The following MAP3K20 variants were observed in gnomAD, a reference collection of about 807,000 sequenced individuals.
MAP3K20 encodes the protein HCCS-4.
Under a neutral mutation model 85.7 loss-of-function variants are expected in MAP3K20, and 40 were observed. The ratio of observed to expected loss-of-function variants is 0.47; its 90% confidence interval spans 0.36 to 0.61. The LOEUF is 0.61. Ranked by LOEUF, MAP3K20 falls within the 20% of genes least tolerant of loss-of-function variation. MAP3K20 has a pLI of 0.00. For synonymous variants in MAP3K20, 325 were observed against 327.7 expected (o/e 0.99, Z 0.09); for missense variants, 817 against 961.7 (o/e 0.85, Z 1.99).
intron 11 of MAP3K20, among the ~76,000 whole-genome samples, chr2:173,218,998 CTTT>C (rs951466685): frequency 2.6e-5 from 4 of 152,114 alleles, no homozygotes; most frequent in Non-Finnish European, 5.9e-5. Context: ...AGATTTTCTT[CTTT>C]TTTCCTTATG....
chr2:173,092,232 G>T (rs2106149246), intron 2 of MAP3K20, among the ~76,000 whole-genome samples: 1 of 152,258 alleles, frequency 6.6e-6, no homozygotes. Flanking sequence ...CTCTGCCTTG[G>T]GGAATCTATA....
intron 16 of MAP3K20, among the ~76,000 whole-genome samples, chr2:173,246,974 A>G (rs548830190): frequency 1.3e-5 from 2 of 152,318 alleles, no homozygotes; most frequent in African/African-American, 4.8e-5. Context: ...AAAAGTAGGA[A>G]GAGTAAATGA....
chr2:173,235,002 T>C (rs965155279), intron 14 of MAP3K20, among the ~76,000 whole-genome samples: 1 of 152,180 alleles, frequency 6.6e-6, no homozygotes, highest in African/African-American at 2.4e-5. Flanking sequence ...GGGGAAGATG[T>C]CACAGGTAAG....
chr2:173,155,054 G>A (rs1689424450), intron 2 of MAP3K20, among the ~76,000 whole-genome samples: 1 of 152,054 alleles, frequency 6.6e-6, no homozygotes, highest in African/African-American at 2.4e-5. Context: ...CTAGAGGATG[G>A]AACTAGAAAG....
chr2:173,098,196 T>C (rs1021928673), intron 2 of MAP3K20, among the ~76,000 whole-genome samples: 3 of 152,220 alleles, frequency 2.0e-5, no homozygotes, highest in African/African-American at 7.2e-5. Flanking sequence ...AGTTCTGGCA[T>C]AGTTTCTATA....
Position 173,112,647 on chromosome 2 carries a change from G to A in MAP3K20, c.159+21457G>A, listed in dbSNP as rs1409081254. Among the ~76,000 whole-genome samples, 10 of 152,232 alleles carry A rather than the reference G, an allele frequency of 6.6e-5. No homozygotes were observed. In the East Asian group the frequency reaches 1.7e-3, roughly 26 times the overall value. On this transcript the variant is annotated intron_variant, in intron 2 of 19. Transcript: ENST00000375213. ...AAAGCGATGCTGGATTTTGTTGAAT[G>A]CTTTTTCTGCATCTATTGAAACGAC...
At chr2:173,162,828 G>T (rs1039766109) in intron 2 of MAP3K20, among the ~76,000 whole-genome samples, 2 of 152,170 alleles carry the variant, frequency 1.3e-5, no homozygotes, top group Non-Finnish European at 2.9e-5. Context: ...TTGTGTCAGT[G>T]CCACATCACA....
chr2:173,103,150 C>T (rs1687682951), intron 2 of MAP3K20, among the ~76,000 whole-genome samples: 1 of 152,190 alleles, frequency 6.6e-6, no homozygotes, highest in Admixed American at 6.5e-5. Context: ...GTTTAGTGAG[C>T]ATCCGCTGCT....
At chr2:173,094,035 T>G (rs1199349475) in intron 2 of MAP3K20, among the ~76,000 whole-genome samples, 2 of 151,108 alleles carry the variant, frequency 1.3e-5, no homozygotes, top group Non-Finnish European at 3.0e-5. Context: ...ATATACCTAA[T>G]GCTAGATGAC....
intron 2 of MAP3K20, among the ~76,000 whole-genome samples, chr2:173,108,050 A>C (rs1244576704): frequency 6.6e-6 from 1 of 152,026 alleles, no homozygotes; most frequent in African/African-American, 2.4e-5. Flanking sequence ...GTGGTTTCTC[A>C]TCCTTTTTAA....
At chr2:173,166,187 T>G (rs1689817226) in intron 2 of MAP3K20, among the ~76,000 whole-genome samples, 1 of 152,244 alleles carries the variant, frequency 6.6e-6, no homozygotes, top group Non-Finnish European at 1.5e-5. Context: ...TCATACAGTA[T>G]CTGCCCTTTT....
At chr2:173,156,601 C>T (rs766789075) in intron 2 of MAP3K20, among the ~76,000 whole-genome samples, 18 of 152,158 alleles carry the variant, frequency 1.2e-4, no homozygotes, top group Non-Finnish European at 2.4e-4. Context: ...AACCTAGATC[C>T]CTTGAATGTG....
At position 173,173,176 on chromosome 2, in the gene MAP3K20, GTGTGTGTGTGTGTGTGTGTGTC is replaced by G. The variant is rs1220645901; in HGVS notation, c.247+3290_247+3311del. Among the ~76,000 whole-genome samples, 77 of 131,916 alleles carry G rather than the reference GTGTGTGTGTGTGTGTGTGTGTC, an allele frequency of 5.8e-4. 1 individual carries two copies. The South Asian group carries it at 0.02, about 35-fold the overall frequency. The allele number at this position is 131,916 out of a possible 152,430, so 86.5% of individuals were successfully genotyped here. A position where few individuals can be genotyped will look rare whatever the true frequency, so the allele number is the denominator to read the frequency against. ...TTTCTGTGTGTGTGTGTGTGTGTGT[GTGTGTGTGTGTGTGTGTGTGTC>G]TGTGTAAAACATAAATATGTGAGGG... On this transcript the variant is annotated intron_variant, in intron 3 of 19. Transcript: ENST00000375213.
intron 1 of MAP3K20, among the ~76,000 whole-genome samples, chr2:173,082,713 C>T (rs190632856): frequency 6.6e-6 from 1 of 152,350 alleles, no homozygotes; most frequent in Non-Finnish European, 1.5e-5. Context: ...CGTGCACCCT[C>T]ACTTTATTCA....
At chr2:173,252,584 T>A (rs1685063489) in intron 16 of MAP3K20, among the ~76,000 whole-genome samples, 1 of 152,220 alleles carries the variant, frequency 6.6e-6, no homozygotes, top group Non-Finnish European at 1.5e-5. Flanking sequence ...GAGAGGCAGA[T>A]TTTCTAGCTA....
Position 173,247,645 on chromosome 2 carries a change from A to C in MAP3K20, c.1359+8149A>C, listed in dbSNP as rs192275600. Among the ~76,000 whole-genome samples, 376 of 152,342 alleles carry C rather than the reference A, an allele frequency of 2.5e-3. 1 individual carries two copies. The highest frequency in any genetic ancestry group is 8.5e-3 in the African/African-American group (353 of 41,572). On this transcript the variant is annotated intron_variant, in intron 16 of 19. Transcript: ENST00000375213. ...ACTGTACAGCATAGTATCTACAATT[A>C]ACAGCAGGTTGTTATATACTTAAAA...
intron 9 of MAP3K20, among the ~76,000 whole-genome samples, chr2:173,206,524 T>A (rs1056052563): frequency 2.0e-5 from 3 of 152,220 alleles, no homozygotes; most frequent in Admixed American, 2.0e-4. Context: ...TAGACACACC[T>A]TACATACTTT....
intron 1 of MAP3K20, among the ~76,000 whole-genome samples, chr2:173,085,217 TG>T (rs1485352465): frequency 6.6e-6 from 1 of 152,176 alleles, no homozygotes; most frequent in Non-Finnish European, 1.5e-5. Flanking sequence ...AGAACTGTAG[TG>T]GGGTCATTTT....
At chr2:173,076,111 A>T (rs1384423921) in intron 1 of MAP3K20, 109 bp downstream of exon 1, 4 of 840,914 alleles carry the variant, frequency 4.8e-6, no homozygotes, top group Non-Finnish European at 5.7e-6. Flanking sequence ...GGAGCCCGGG[A>T]GTCTAGGCGG....
Sources: gnomAD v4.1 joint callset for allele counts (sites outside exome capture counted in the v4.1 genomes callset) on GRCh38, gnomAD v4.1.1 for gene constraint, MANE v1.5 for transcripts, NCBI Gene and HGNC (gene_info 2026-07-23, HGNC 2026-07-21) for gene names.